The following CELF2 variants were observed in gnomAD, a reference collection of about 807,000 sequenced individuals.
CELF2 encodes CUGBP Elav-like family member 2, also known as CUG triplet repeat RNA-binding protein 2.
CELF2 carries 8 observed loss-of-function variants against 62.6 expected under a neutral mutation model. That is an observed-to-expected ratio of 0.13 (90% confidence interval 0.07 to 0.23). The LOEUF is 0.23. Ranked by LOEUF, CELF2 falls within the 10% of genes least tolerant of loss-of-function variation. The pLI, the probability that CELF2 is intolerant of heterozygous loss-of-function variation, is 1.00. For synonymous variants in CELF2, 258 were observed against 250.0 expected (o/e 1.03, Z -0.30); for missense variants, 333 against 671.0 (o/e 0.50, Z 5.56).
intron 1 of CELF2, among the ~76,000 whole-genome samples, chr10:11,109,098 C>T (rs554087380): frequency 6.6e-6 from 1 of 152,300 alleles, no homozygotes; most frequent in African/African-American, 2.4e-5. Flanking sequence ...ATTCTGTTAG[C>T]TGCATTAGGT....
the CELF2 span, among the ~76,000 whole-genome samples, chr10:10,627,681 A>G: frequency 9.2e-5 from 14 of 152,302 alleles, no homozygotes; most frequent in Middle Eastern, 6.8e-3. Context: ...TATGGGGTCA[A>G]CTTAAGACAC....
intron 1 of CELF2, among the ~76,000 whole-genome samples, chr10:11,054,864 G>A (rs1218451648): frequency 3.9e-5 from 6 of 152,024 alleles, no homozygotes; most frequent in Non-Finnish European, 7.4e-5. Context: ...ACAGGCGGCC[G>A]CCACCAATCC....
At chr10:10,511,074 G>C in the CELF2 span, among the ~76,000 whole-genome samples, 1 of 152,144 alleles carries the variant, frequency 6.6e-6, no homozygotes, top group South Asian at 2.1e-4. Context: ...TGAGTGTCAG[G>C]GTTTTGAGCT....
intron 2 of CELF2, among the ~76,000 whole-genome samples, chr10:10,926,292 G>A (rs1042019569): frequency 1.8e-4 from 27 of 152,088 alleles, no homozygotes; most frequent in Non-Finnish European, 1.0e-4. Flanking sequence ...CAATGCCACC[G>A]TAAAAAGGGC....
intron 1 of CELF2, among the ~76,000 whole-genome samples, chr10:11,022,142 G>A (rs1319915475): frequency 6.6e-6 from 1 of 152,182 alleles, no homozygotes; most frequent in Non-Finnish European, 1.5e-5. Context: ...GTCATGAAAG[G>A]AAATTAAAAT....
At chr10:11,057,216 T>G (rs553231673) in intron 1 of CELF2, among the ~76,000 whole-genome samples, 1 of 150,550 alleles carries the variant, frequency 6.6e-6, no homozygotes, top group East Asian at 2.0e-4. Flanking sequence ...CAGAAGCTAA[T>G]GAGCCAGTGT....
the CELF2 span, among the ~76,000 whole-genome samples, chr10:10,558,950 C>T: frequency 6.6e-6 from 1 of 152,178 alleles, no homozygotes; most frequent in African/African-American, 2.4e-5. Flanking sequence ...ATTTCCAAGA[C>T]ATAGCATAAG....
intron 2 of CELF2, among the ~76,000 whole-genome samples, chr10:11,199,259 A>G (rs938756181): frequency 2.0e-5 from 3 of 152,196 alleles, no homozygotes; most frequent in African/African-American, 4.8e-5. Flanking sequence ...TGTTTCTGCG[A>G]TGTTATCTTC....
chr10:10,467,651 T>C, the CELF2 span, among the ~76,000 whole-genome samples: 1 of 152,064 alleles, frequency 6.6e-6, no homozygotes, highest in Non-Finnish European at 1.5e-5. Flanking sequence ...CGAATATAAA[T>C]TCAACTTGTA....
At chr10:11,238,624 C>T (rs556666764) in intron 3 of CELF2, among the ~76,000 whole-genome samples, 1 of 152,284 alleles carries the variant, frequency 6.6e-6, no homozygotes, top group East Asian at 1.9e-4. Context: ...AACACAGTGA[C>T]AGTACCTTCT....
At chr10:10,926,638 C>A (rs1267737007) in intron 2 of CELF2, among the ~76,000 whole-genome samples, 1 of 152,212 alleles carries the variant, frequency 6.6e-6, no homozygotes, top group African/African-American at 2.4e-5. Flanking sequence ...TGTCCATCTT[C>A]TTCCATGGGA....
intron 1 of CELF2, among the ~76,000 whole-genome samples, chr10:11,163,306 C>T (rs2066160014): frequency 6.6e-6 from 1 of 152,162 alleles, no homozygotes; most frequent in African/African-American, 2.4e-5. Flanking sequence ...TGTGGCAATA[C>T]CTTCCTCTTT....
the CELF2 span, among the ~76,000 whole-genome samples, chr10:10,755,494 A>G: frequency 6.6e-6 from 1 of 152,156 alleles, no homozygotes; most frequent in African/African-American, 2.4e-5. Context: ...TTTCGCGCGC[A>G]GTCTCTATGG....
Position 11,242,911 on chromosome 10 carries a change from C to G in CELF2, c.355-6242C>G, listed in dbSNP as rs987381864. Among the ~76,000 whole-genome samples the G allele has an allele frequency of 1.3e-5, 2 of 152,158 alleles. No individual in the cohort carries two copies. Among genetic ancestry groups the G allele is most frequent in the Non-Finnish European group, 2.9e-5 (2 of 68,010 alleles). On this transcript the variant is annotated intron_variant, in intron 3 of 12. Transcript: ENST00000633077. The surrounding 1 kb of genome is among the most constrained non-coding windows in gnomAD (Gnocchi z 4.8). The stretch of plus-strand genomic sequence containing the variant: ...TCCGCCACCAACAGATGGCTCCTAC[C>G]AGGGCGACAGGGACGGAGGCGCCGG...
At chr10:10,576,097 G>A in the CELF2 span, among the ~76,000 whole-genome samples, 1 of 152,192 alleles carries the variant, frequency 6.6e-6, no homozygotes, top group Non-Finnish European at 1.5e-5. Flanking sequence ...TGCTTTATCT[G>A]GCTGGGCCTT....
the CELF2 span, among the ~76,000 whole-genome samples, chr10:10,467,610 A>T: frequency 6.6e-6 from 1 of 152,056 alleles, no homozygotes; most frequent in Non-Finnish European, 1.5e-5. Context: ...CCCCAGTAAA[A>T]CTTCTGGTGA....
the CELF2 span, among the ~76,000 whole-genome samples, chr10:10,583,158 T>C: frequency 1.3e-5 from 2 of 152,188 alleles, no homozygotes; most frequent in African/African-American, 4.8e-5. Context: ...AGGATTATGA[T>C]TGATATGTAA....
the CELF2 span, among the ~76,000 whole-genome samples, chr10:10,730,036 A>G: frequency 6.6e-6 from 1 of 152,230 alleles, no homozygotes; most frequent in African/African-American, 2.4e-5. Context: ...CTGTGGATTA[A>G]GATAGAGAAA....
chr10:10,563,042 C>T, the CELF2 span, among the ~76,000 whole-genome samples: 1 of 152,154 alleles, frequency 6.6e-6, no homozygotes, highest in African/African-American at 2.4e-5. Flanking sequence ...TGGAGAATGA[C>T]ATGGTTGCCA....
Sources: gnomAD v4.1 joint callset for allele counts (sites outside exome capture counted in the v4.1 genomes callset) on GRCh38, gnomAD v4.1.1 for gene constraint, Gnocchi (gnomAD v3.1) non-coding constraint, MANE v1.5 for transcripts, NCBI Gene and HGNC (gene_info 2026-07-23, HGNC 2026-07-21) for gene names.